Variants in UBA5 observed in about 807,000 individuals in gnomAD.
UBA5 encodes ubiquitin-like modifier-activating enzyme 5.
In UBA5, 28 loss-of-function variants were observed where a neutral mutation model predicts 52.9. The ratio of observed to expected loss-of-function variants is 0.53; its 90% CI spans 0.39 to 0.73. The LOEUF (loss-of-function observed/expected upper bound fraction) is 0.73, where lower values mean the gene tolerates loss of function less well. UBA5 is among the 30% of genes least tolerant of loss of function. UBA5 has a pLI of 0.00. For missense variants in UBA5, 388 were observed against 492.7 expected, an observed-to-expected ratio of 0.79 and a Z score of 2.01; for synonymous variants, 135 against 162.1, an observed-to-expected ratio of 0.83 and a Z score of 1.27.
chr3:132,675,462 A>T, intron 9 of UBA5, 79 bp downstream of exon 9: 1 of 1,547,920 alleles, frequency 6.5e-7, no homozygotes, highest in South Asian at 1.2e-5. Flanking sequence ...ATACAAGATA[A>T]ATGGTTAATT....
At chr3:132,655,006 A>G (rs1937707480) in intron 1 of UBA5, among the ~76,000 whole-genome samples, 1 of 152,198 alleles carries the variant, frequency 6.6e-6, no homozygotes, top group African/African-American at 2.4e-5. Context: ...AATTAATTGT[A>G]ACAAAATGAT....
chr3:132,665,843 G>A lies in UBA5; in HGVS notation c.182G>A (p.Arg61Gln), dbSNP rs143516396. 7.5e-5 allele frequency: 121 copies of A among 1,613,214 alleles called. No individual in the cohort carries two copies. Among genetic ancestry groups the A allele is most frequent in the Non-Finnish European group, 1.0e-4 (119 of 1,179,382 alleles). Residue 61 changes from arginine (R) to glutamine (Q), a missense_variant, in exon 2 of 12, where the codon CGA becomes CAA. Physicochemically the swap from Arg to Gln is conservative, Grantham distance 43 (BLOSUM62 1). Transcript: ENST00000356232. ...TTAAGCCGCTTGATGGCATTGAAACGAATGGGAATTGTAAGCGACTATGAG... is the reference window on the plus strand; with the variant it reads ...TTAAGCCGCTTGATGGCATTGAAACAAATGGGAATTGTAAGCGACTATGAG... ...NPYSRLMALK[R>Q]MGIVSDYEKI... is the part of the protein sequence containing the mutation.
intron 1 of UBA5, among the ~76,000 whole-genome samples, chr3:132,662,729 G>A (rs74407879): frequency 0.015 from 2,222 of 152,254 alleles, 66 homozygotes; most frequent in African/African-American, 0.051. Flanking sequence ...ATAAGCATGT[G>A]GAAAAATTGG....
chr3:132,666,825 A>G (rs1412604062), intron 3 of UBA5, among the ~76,000 whole-genome samples: 3 of 152,296 alleles, frequency 2.0e-5, no homozygotes, highest in South Asian at 4.1e-4. Context: ...TGAAATTTTA[A>G]TACCTTTCAA....
chr3:132,656,849 G>T (rs899645957), upstream of UBA5, among the ~76,000 whole-genome samples: 78 of 143,996 alleles, frequency 5.4e-4, no homozygotes, highest in Non-Finnish European at 9.8e-4. Flanking sequence ...TCATTGTGTT[G>T]TTTTTTTTTT....
chr3:132,663,877 G>A (rs556118395), intron 1 of UBA5, among the ~76,000 whole-genome samples: 22 of 152,172 alleles, frequency 1.4e-4, no homozygotes, highest in Admixed American at 1.2e-3. Flanking sequence ...ACAGGAACAA[G>A]GTGCAAAGTA....
chr3:132,660,500 G>A lies in UBA5; in HGVS notation c.-38G>A. ...AACGTGGGGCGAAGGCGGCGGCGAA[G>A]GCCCGGGCTGGGAGCGTTGGCGGCC... On this transcript the variant is annotated 5_prime_UTR_variant, in exon 1 of 12. Transcript: ENST00000356232. This position sits in a 1 kb window ranked among gnomAD's most constrained non-coding sequence, Gnocchi z 4.1. The A allele has an allele frequency of 6.5e-7, 1 of 1,544,438 alleles. No individual in the cohort carries two copies. Among genetic ancestry groups the A allele is most frequent in the Non-Finnish European group, 8.7e-7 (1 of 1,145,902 alleles).
At chr3:132,665,609 T>C (rs978859708) in intron 1 of UBA5, 3 of 521,624 alleles carry the variant, frequency 5.8e-6, no homozygotes, top group Non-Finnish European at 1.0e-5. Context: ...AAAACCAATC[T>C]TGTTTCATAT....
rs761074855 is a variant in UBA5, at chr3:132,675,922, A to T, written c.1130A>T (p.Lys377Met). Residue 377 changes from lysine to methionine, a missense_variant and splice_region_variant, in exon 11 of 12, where the codon AAG becomes ATG. Transcript: ENST00000356232. ...GITVAYTIPK[K>M]QEDSVTELTV... ...ACAGTGGCATACACAATTCCAAAAA[A>T]GGTACTTCAAAAATATGATTTACCC... The T allele has an allele frequency of 1.3e-6, 2 of 1,579,662 alleles. No homozygotes were observed. Among genetic ancestry groups the T allele is most frequent in the Non-Finnish European group, 1.7e-6 (2 of 1,161,776 alleles).
intron 1 of UBA5, among the ~76,000 whole-genome samples, chr3:132,664,619 G>A (rs1436430449): frequency 6.6e-6 from 1 of 152,082 alleles, no homozygotes; most frequent in Non-Finnish European, 1.5e-5. Flanking sequence ...ATAGGGTAGG[G>A]CCTAAGAAAT....
upstream of UBA5, chr3:132,660,027 GC>G (rs1938055357): frequency 4.9e-6 from 2 of 410,634 alleles, no homozygotes; most frequent in Non-Finnish European, 8.6e-6. This position sits in a 1 kb window ranked among gnomAD's most constrained non-coding sequence, Gnocchi z 4.1. Context: ...TTTAAAGAAG[GC>G]AAAGCCATGG....
At chr3:132,659,734 A>C (rs1247143105), upstream of UBA5, 1 of 1,605,352 alleles carries the variant, frequency 6.2e-7, no homozygotes, top group Admixed American at 1.7e-5. Context: ...CGGACTCGCC[A>C]GTAGCACCTG....
Position 132,661,114 on chromosome 3 carries a change from G to A in UBA5, c.161+416G>A, listed in dbSNP as rs1002763601. 38 of 1,251,844 alleles carry A rather than the reference G, an allele frequency of 3.0e-5. No individual in the cohort carries two copies. In the African/African-American group the frequency reaches 5.8e-4, roughly 19 times the overall value. The allele number at this position is 1,251,844 out of a possible 1,614,324, so 77.5% of individuals were successfully genotyped here. ...AAATGGGGTCGGGGCGGGGGAGAGCGGGGTTAGCTCTATTCTGAGATATTC... is the reference window on the plus strand; with the variant it reads ...AAATGGGGTCGGGGCGGGGGAGAGCAGGGTTAGCTCTATTCTGAGATATTC... On this transcript the variant is annotated intron_variant, in intron 1 of 11. Transcript: ENST00000356232.
intron 3 of UBA5, among the ~76,000 whole-genome samples, chr3:132,667,041 T>C (rs552836829): frequency 6.6e-6 from 1 of 152,130 alleles, no homozygotes; most frequent in Admixed American, 6.5e-5. Flanking sequence ...GACTTCATAA[T>C]TGACATTGCT....
intron 1 of UBA5, among the ~76,000 whole-genome samples, chr3:132,662,251 A>C (rs950461079): frequency 3.3e-5 from 5 of 152,244 alleles, no homozygotes; most frequent in Non-Finnish European, 2.9e-5. Flanking sequence ...TCACTGATAT[A>C]TGGAATTTTA....
chr3:132,666,215 G>A (rs1415568417), intron 3 of UBA5, 142 bp downstream of exon 3: 3 of 660,580 alleles, frequency 4.5e-6, no homozygotes, highest in Non-Finnish European at 5.3e-6. Flanking sequence ...TACTCGGGTT[G>A]AGACATATCC....
At chr3:132,665,707 A>C (rs543237422) in intron 1 of UBA5, 116 bp from the exon 2 acceptor site, 1 of 1,034,762 alleles carries the variant, frequency 9.7e-7, no homozygotes, top group Admixed American at 2.5e-5. Flanking sequence ...CTCCTCTTTG[A>C]AACGATTAGT....
chr3:132,660,606 G>T lies in UBA5; in HGVS notation c.69G>T (p.Arg23Ser). 1 of 1,556,382 alleles carries T rather than the reference G, an allele frequency of 6.4e-7. No homozygotes were observed. Among genetic ancestry groups the T allele is most frequent in the Admixed American group, 1.9e-5 (1 of 51,446 alleles). The part of the protein sequence containing the change: ...QELERELAQE[R>S]SLQVPRSGDG... ...TGGAGCGGGAACTTGCCCAGGAGAGGAGTCTGCAGGTCCCGAGGAGCGGCG... is the reference window on the plus strand; with the variant it reads ...TGGAGCGGGAACTTGCCCAGGAGAGTAGTCTGCAGGTCCCGAGGAGCGGCG... The change falls in exon 1 of 12, where the codon AGG (arginine) becomes AGT (serine). Residue 23 changes from arginine to serine, a missense_variant. Transcript: ENST00000356232. This position sits in a 1 kb window ranked among gnomAD's most constrained non-coding sequence, Gnocchi z 4.1.
At chr3:132,659,496 G>T, upstream of UBA5, 1 of 1,508,516 alleles carries the variant, frequency 6.6e-7, no homozygotes, top group South Asian at 1.2e-5. Flanking sequence ...CTGACTGCAG[G>T]AAAAGCAATC....
Sources: allele counts gnomAD v4.1 joint callset (sites outside exome capture counted in the v4.1 genomes callset), GRCh38; gene constraint gnomAD v4.1.1; non-coding constraint Gnocchi (gnomAD v3.1); transcripts MANE v1.5; gene names NCBI Gene and HGNC (gene_info 2026-07-23, HGNC 2026-07-21).